The following NSMCE2 variants were observed in gnomAD, a reference collection of about 807,000 sequenced individuals.
NSMCE2 encodes NSE2 SUMO ligase component of SMC5/6 complex, also known as E3 SUMO-protein ligase NSE2.
A neutral mutation model predicts 23.8 loss-of-function variants in NSMCE2; 24 were observed. The observed-to-expected ratio is 1.01, with a 90% confidence interval of 0.73 to 1.42. The LOEUF (loss-of-function observed/expected upper bound fraction) is 1.42. Among genes scored for constraint, NSMCE2 ranks in the 40% most tolerant of loss-of-function variants. The pLI, the probability that NSMCE2 is intolerant of heterozygous loss-of-function variation, is 0.00. For missense variants in NSMCE2, 284 were observed against 296.5 expected (o/e 0.96, Z 0.31); for synonymous variants, 92 against 94.1 (o/e 0.98, Z 0.13).
At position 125,271,215 on chromosome 8, in the gene NSMCE2, T is replaced by G. The variant is rs1827175440; in HGVS notation, c.419-86004T>G. Among the ~76,000 whole-genome samples the G allele has an allele frequency of 2.7e-5, 4 of 149,344 alleles. No homozygotes were observed. The South Asian group carries it at 8.4e-4, about 31-fold the overall frequency. On this transcript the variant is annotated intron_variant, in intron 5 of 7. Transcript: ENST00000287437. ...GGTGGAGGTTGCAGTGAGCAGAGAT[T>G]ATGCCATTGCACTGCAGACTGGGCG...
At chr8:125,152,584 A>G (rs539769518) in intron 4 of NSMCE2, among the ~76,000 whole-genome samples, 18 of 152,212 alleles carry the variant, frequency 1.2e-4, no homozygotes, top group Non-Finnish European at 2.4e-4. Flanking sequence ...TGACCCTTAC[A>G]TTATGTGGCA....
chr8:125,177,836 T>C (rs1188853620), intron 4 of NSMCE2, among the ~76,000 whole-genome samples: 3 of 152,222 alleles, frequency 2.0e-5, no homozygotes, highest in African/African-American at 7.2e-5. Context: ...GCATCTCTCT[T>C]CTTTTTCTTC....
chr8:125,244,180 A>G (rs191411691), intron 5 of NSMCE2, among the ~76,000 whole-genome samples: 50 of 152,328 alleles, frequency 3.3e-4, no homozygotes, highest in Admixed American at 2.7e-3. Context: ...TTTCTCAACA[A>G]TTAGGCAGGA....
At chr8:125,212,061 A>C (rs1330315574) in intron 5 of NSMCE2, among the ~76,000 whole-genome samples, 1 of 152,120 alleles carries the variant, frequency 6.6e-6, no homozygotes, top group African/African-American at 2.4e-5. Flanking sequence ...CTGTCTCTAT[A>C]ATTTTGAATA....
intron 5 of NSMCE2, among the ~76,000 whole-genome samples, chr8:125,272,036 C>T (rs564723757): frequency 4.3e-4 from 48 of 112,166 alleles, no homozygotes; most frequent in African/African-American, 1.6e-3. Context: ...TTTTTTGAGA[C>T]GGAGTCTCGC....
chr8:125,178,795 G>A lies in NSMCE2; in HGVS notation c.265-3308G>A, dbSNP rs1307390979. On this transcript the variant is annotated intron_variant, in intron 4 of 7. Coordinates refer to ENST00000287437, the MANE Select transcript of NSMCE2 (RefSeq NM_173685.4). ...TGAGGCAGGAGAATGGTGTGAACCC[G>A]GGAGGTGGAGCTTGCAGTGAGCCGA... Among the ~76,000 whole-genome samples the A allele has an allele frequency of 6.6e-5, 10 of 152,282 alleles. No homozygotes were observed. The East Asian group carries it at 7.7e-4, about 12-fold the overall frequency.
At chr8:125,325,294 T>TTAAAA (rs111749670) in intron 5 of NSMCE2, among the ~76,000 whole-genome samples, 2,471 of 127,174 alleles carry the variant, frequency 0.019, 51 homozygotes, top group African/African-American at 0.045. Context: ...CCCGTTTCTA[T>TTAAAA]TAAAATAAAA....
At chr8:125,096,496 T>G (rs1260116003) in intron 1 of NSMCE2, among the ~76,000 whole-genome samples, 1 of 152,106 alleles carries the variant, frequency 6.6e-6, no homozygotes, top group Non-Finnish European at 1.5e-5. Flanking sequence ...TTGCCTTGAT[T>G]GCCATGGAAA....
chr8:125,285,758 A>G (rs1198075701), intron 5 of NSMCE2, among the ~76,000 whole-genome samples: 2 of 852 alleles, frequency 2.3e-3, no homozygotes, highest in Non-Finnish European at 3.6e-3. Context: ...ATACACACGC[A>G]CACACACACA....
chr8:125,216,624 G>C, intron 5 of NSMCE2, among the ~76,000 whole-genome samples: 1 of 146,182 alleles, frequency 6.8e-6, no homozygotes, highest in Non-Finnish European at 1.5e-5. Flanking sequence ...ACAAGAGCGA[G>C]GCTGTGTGTC....
intron 4 of NSMCE2, among the ~76,000 whole-genome samples, chr8:125,174,802 C>G (rs118152380): frequency 0.019 from 2,910 of 152,282 alleles, 45 homozygotes; most frequent in Middle Eastern, 0.088. Context: ...TAATGCTCAA[C>G]AAGGAAGTAT....
chr8:125,293,584 G>A lies in NSMCE2; in HGVS notation c.419-63635G>A, dbSNP rs1411313181. Among the ~76,000 whole-genome samples the A allele has an allele frequency of 3.0e-5, 4 of 135,034 alleles. 1 individual carries two copies. Among genetic ancestry groups the A allele is most frequent in the African/African-American group, 6.0e-5 (2 of 33,298 alleles). The allele number at this position is 135,034 out of a possible 152,430, so 88.6% of individuals were successfully genotyped here. On this transcript the variant is annotated intron_variant, in intron 5 of 7. Coordinates refer to ENST00000287437, the MANE Select transcript of NSMCE2 (RefSeq NM_173685.4). The stretch of plus-strand genomic sequence containing the variant: ...TTGTAGGGAACACAAACAGGAGGAA[G>A]GTTTAGTCATCAAGCATACTGATGA...
intron 4 of NSMCE2, among the ~76,000 whole-genome samples, chr8:125,162,306 G>A (rs1047443195): frequency 6.6e-6 from 1 of 152,116 alleles, no homozygotes; most frequent in African/African-American, 2.4e-5. Context: ...TCTTGTTACT[G>A]CTTAAAGCAC....
At chr8:125,111,209 A>G (rs1265402497) in intron 3 of NSMCE2, among the ~76,000 whole-genome samples, 2 of 152,206 alleles carry the variant, frequency 1.3e-5, no homozygotes, top group Non-Finnish European at 2.9e-5. Flanking sequence ...CATGATGAGT[A>G]AAAAACAACC....
chr8:125,234,012 TAA>T (rs34763403), intron 5 of NSMCE2, among the ~76,000 whole-genome samples: 12 of 102,162 alleles, frequency 1.2e-4, no homozygotes, highest in Admixed American at 3.1e-4. Flanking sequence ...CTGTCTCTAC[TAA>T]AAAAAAAAAA....
At chr8:125,121,549 A>G (rs1819261911) in intron 3 of NSMCE2, among the ~76,000 whole-genome samples, 1 of 152,320 alleles carries the variant, frequency 6.6e-6, no homozygotes, top group African/African-American at 2.4e-5. Context: ...GTAGTAAGTA[A>G]TGTGTGCCAA....
Position 125,341,897 on chromosome 8 carries a change from G to GAAAAAAAAAAA in NSMCE2, c.419-15307_419-15297dup, listed in dbSNP as rs61204647. Reference sequence around the variant, plus strand: ...GCAATGCACTGAGGATCTAGAAATGGAAAAAAAAAAAAAAAAAAAAAAAAA... The same window carrying GAAAAAAAAAAA: ...GCAATGCACTGAGGATCTAGAAATGGAAAAAAAAAAAAAAAAAAAAAAAAAAAAAAAAAAAA... On this transcript the variant is annotated intron_variant, in intron 5 of 7. Transcript: ENST00000287437. Among the ~76,000 whole-genome samples, 4 of 83,240 alleles carry GAAAAAAAAAAA rather than the reference G, an allele frequency of 4.8e-5. 1 individual carries two copies. Among genetic ancestry groups the GAAAAAAAAAAA allele is most frequent in the African/African-American group, 4.3e-5 (1 of 23,052 alleles). The allele number at this position is 83,240 out of a possible 152,430, so 54.6% of individuals were successfully genotyped here.
chr8:125,237,424 C>G (rs1825602940), intron 5 of NSMCE2, among the ~76,000 whole-genome samples: 1 of 152,184 alleles, frequency 6.6e-6, no homozygotes, highest in Non-Finnish European at 1.5e-5. Context: ...TAACAAAGCA[C>G]TGTCAGATCA....
At chr8:125,244,526 C>T (rs185692904) in intron 5 of NSMCE2, among the ~76,000 whole-genome samples, 195 of 152,120 alleles carry the variant, frequency 1.3e-3, no homozygotes, top group African/African-American at 4.5e-3. Context: ...GACAAGGATT[C>T]GAATTGGCTT....
Sources: gnomAD v4.1 joint callset for allele counts (sites outside exome capture counted in the v4.1 genomes callset) on GRCh38, gnomAD v4.1.1 for gene constraint, MANE v1.5 for transcripts, NCBI Gene and HGNC (gene_info 2026-07-23, HGNC 2026-07-21) for gene names.